The following HROB variants were observed in gnomAD, a reference collection of about 807,000 sequenced individuals.
HROB encodes homologous recombination OB-fold protein.
In HROB, 44 loss-of-function variants were observed where a neutral mutation model predicts 61.0. That is an observed-to-expected ratio of 0.72 (90% CI 0.57 to 0.93). The LOEUF is 0.93. Ranked by LOEUF, HROB falls within the 40% of genes least tolerant of loss-of-function variation. The probability of loss-of-function intolerance (pLI) is 0.00; values close to 1 mark genes in which losing one functional copy is unlikely to be tolerated. For synonymous variants in HROB, 301 were observed against 310.4 expected (o/e 0.97, Z 0.32); for missense variants, 716 against 796.2 (o/e 0.90, Z 1.21).
chr17:44,158,054 A>G (rs748252698), intron 9 of HROB, 113 bp downstream of exon 9: 1 of 754,924 alleles, frequency 1.3e-6, no homozygotes, highest in Admixed American at 3.0e-5. Flanking sequence ...TTTGGATCTT[A>G]TATAATCTTA....
chr17:44,145,076 C>T, intron 1 of HROB, 127 bp from the exon 2 acceptor site: 2 of 1,020,822 alleles, frequency 2.0e-6, no homozygotes, highest in Non-Finnish European at 3.0e-6. Flanking sequence ...CCTTTCCCAG[C>T]CGTAGCAAAA....
intron 7 of HROB, 45 bp from the exon 8 acceptor site, chr17:44,155,241 C>T (rs2053936746): frequency 6.2e-7 from 1 of 1,609,276 alleles, no homozygotes; most frequent in Non-Finnish European, 8.5e-7. Context: ...CTGGCAGCTC[C>T]CAGTGCTCCA....
At chr17:44,154,198 C>T (rs534607858) in intron 5 of HROB, among the ~76,000 whole-genome samples, 2 of 152,064 alleles carry the variant, frequency 1.3e-5, no homozygotes, top group South Asian at 2.1e-4. Context: ...AAAAATTAGC[C>T]GGGCGTGGTG....
chr17:44,157,504 C>T (rs2054008049), intron 8 of HROB, among the ~76,000 whole-genome samples: 2 of 150,474 alleles, frequency 1.3e-5, no homozygotes, highest in South Asian at 4.2e-4. Flanking sequence ...ACCTCTGCCT[C>T]CTGGGTTCAA....
At chr17:44,152,532 A>G in intron 4 of HROB, 105 bp from the exon 5 acceptor site, 2 of 1,343,604 alleles carry the variant, frequency 1.5e-6, no homozygotes, top group South Asian at 1.5e-5. Flanking sequence ...AGTTTTTCCG[A>G]GGGGATTTGC....
chr17:44,150,157 T>A (rs1184383620), intron 3 of HROB, among the ~76,000 whole-genome samples: 1 of 152,182 alleles, frequency 6.6e-6, no homozygotes, highest in Non-Finnish European at 1.5e-5. Flanking sequence ...AGATCCCAGA[T>A]AATTGGACTC....
intron 1 of HROB, 116 bp downstream of exon 1, chr17:44,142,261 G>A: frequency 7.8e-7 from 1 of 1,290,276 alleles, no homozygotes; most frequent in South Asian, 1.7e-5. Context: ...GTCTGGGTGG[G>A]GGTTCGGCGG....
At chr17:44,145,168 A>G (rs1263933290) in intron 1 of HROB, 35 bp from the exon 2 acceptor site, 1 of 1,612,138 alleles carries the variant, frequency 6.2e-7, no homozygotes, top group Non-Finnish European at 8.5e-7. Context: ...TGCAAATGGT[A>G]TTTCTCAACC....
chr17:44,159,059 G>A (rs967299937), intron 9 of HROB, among the ~76,000 whole-genome samples: 2 of 152,084 alleles, frequency 1.3e-5, no homozygotes, highest in Non-Finnish European at 2.9e-5. Flanking sequence ...CAAAGTACTG[G>A]GATTAGAGGC....
At chr17:44,150,220 G>A (rs997266268) in intron 3 of HROB, among the ~76,000 whole-genome samples, 1 of 152,092 alleles carries the variant, frequency 6.6e-6, no homozygotes, top group Non-Finnish European at 1.5e-5. Context: ...CATTTTAAGG[G>A]TGTTTGAAAC....
chr17:44,149,111 T>G, intron 3 of HROB, 84 bp downstream of exon 3: 1 of 1,340,398 alleles, frequency 7.5e-7, no homozygotes, highest in South Asian at 1.4e-5. Context: ...ATATCTTCCC[T>G]CTTGCAGAGA....
chr17:44,148,855 C>G lies in HROB; in HGVS notation c.1052C>G (p.Ser351Cys). The change falls in exon 3 of 10, where the codon TCT (serine) becomes TGT (cysteine). Residue 351 changes from serine to cysteine, a missense_variant. Coordinates refer to ENST00000585683, the MANE Select transcript of HROB (RefSeq NM_001171251.3). ...CAAGCTCCAGTGTCTTCCATTGGGT[C>G]TCCTGTTGGTACCCCAAAAGGTCCC... The part of the protein sequence containing the change: ...QPQAPVSSIG[S>C]PVGTPKGPQG... The G allele has an allele frequency of 6.2e-7, 1 of 1,614,212 alleles. No homozygotes were observed. Among genetic ancestry groups the G allele is most frequent in the Non-Finnish European group, 8.5e-7 (1 of 1,180,034 alleles).
chr17:44,144,778 C>T (rs1287601813), intron 1 of HROB, among the ~76,000 whole-genome samples: 2 of 147,464 alleles, frequency 1.4e-5, no homozygotes, highest in South Asian at 2.2e-4. Context: ...CTCACTCTGT[C>T]GCCCAGGCTG....
chr17:44,159,027 C>T (rs753294022), intron 9 of HROB, among the ~76,000 whole-genome samples: 1 of 152,094 alleles, frequency 6.6e-6, no homozygotes, highest in South Asian at 2.1e-4. Context: ...GGGGCTCAAG[C>T]GATCCTTCTG....
chr17:44,154,223 TC>T (rs1216280834), intron 5 of HROB: 1 of 240,590 alleles, frequency 4.2e-6, no homozygotes, highest in Non-Finnish European at 8.3e-6. Flanking sequence ...GCGCCTGTAA[TC>T]CCAGCTACTT....
At chr17:44,154,970 C>A (rs1341151130) in intron 7 of HROB, 32 bp downstream of exon 7, 1 of 1,601,766 alleles carries the variant, frequency 6.2e-7, no homozygotes, top group East Asian at 2.3e-5. Context: ...ACCACTGCCC[C>A]CCGGATAGAG....
Position 44,161,947 on chromosome 17 carries a change from A to C in HROB, c.*15A>C. On this transcript the variant is annotated 3_prime_UTR_variant, in exon 10 of 10. Transcript: ENST00000585683. ...CCAGTAGTTGAGACTGCCCCAACGC[A>C]GGACAACCCACCATGAGCAGGCAGC... 6.2e-7 allele frequency: 1 copy of C among 1,612,894 alleles called. No individual in the cohort carries two copies.
intron 2 of HROB, among the ~76,000 whole-genome samples, chr17:44,147,036 T>TGC (rs2053629520): frequency 8.7e-6 from 1 of 114,314 alleles, no homozygotes; most frequent in East Asian, 4.4e-4. Flanking sequence ...GTAGTGTGTG[T>TGC]GTGTGTGTGT....
At position 44,151,151 on chromosome 17, in the gene HROB, C is replaced by T. The variant is rs2053792820; in HGVS notation, c.1308+107C>T. The T allele has an allele frequency of 1.0e-5, 12 of 1,197,646 alleles. No homozygotes were observed. In the South Asian group the frequency reaches 1.4e-4, roughly 14 times the overall value. 74.2% of individuals were successfully genotyped at this position (1,197,646 alleles called of 1,614,324 possible). A position where few individuals can be genotyped will look rare whatever the true frequency, so the allele number is the denominator to read the frequency against. ...GAGCTGATGCTGCTAGGCCTGTTTG[C>T]TGGTGTCACACACTAAAAGGCATTT... On this transcript the variant is annotated intron_variant, in intron 4 of 9. Transcript: ENST00000585683.
Sources: gnomAD v4.1 joint callset for allele counts (sites outside exome capture counted in the v4.1 genomes callset) on GRCh38, gnomAD v4.1.1 for gene constraint, MANE v1.5 for transcripts, NCBI Gene and HGNC (gene_info 2026-07-23, HGNC 2026-07-21) for gene names.